PRKN: variants seen among roughly 807,000 people sequenced by gnomAD.
The protein encoded by PRKN is parkin RBR E3 ubiquitin protein ligase.
PRKN carries 56 observed loss-of-function variants against 59.5 expected under a neutral mutation model. The ratio of observed to expected loss-of-function variants is 0.94; its 90% confidence interval spans 0.76 to 1.18. The LOEUF is 1.18. Among genes scored for constraint, PRKN ranks in the 50% most tolerant of loss-of-function variants. The probability of loss-of-function intolerance (pLI) is 0.00; values close to 1 mark genes in which losing one functional copy is unlikely to be tolerated. For missense variants in PRKN, 657 were observed against 596.4 expected, an observed-to-expected ratio of 1.10 and a Z score of -1.06; for synonymous variants, 250 against 222.1, an observed-to-expected ratio of 1.13 and a Z score of -1.12.
At chr6:162,643,291 AG>A (rs1237690363) in intron 1 of PRKN, among the ~76,000 whole-genome samples, 1 of 148,260 alleles carries the variant, frequency 6.7e-6, no homozygotes, top group African/African-American at 2.5e-5. Flanking sequence ...CCAGCTATTC[AG>A]GAGGCTGAGG....
At chr6:162,033,121 G>T (rs145376148) in intron 5 of PRKN, among the ~76,000 whole-genome samples, 1 of 152,050 alleles carries the variant, frequency 6.6e-6, no homozygotes, top group Non-Finnish European at 1.5e-5. Flanking sequence ...GAATGATCTC[G>T]CCTCCATCAC....
intron 4 of PRKN, among the ~76,000 whole-genome samples, chr6:162,169,145 G>A (rs551377051): frequency 1.2e-4 from 19 of 152,290 alleles, no homozygotes; most frequent in Non-Finnish European, 2.5e-4. Context: ...TAACAGGATT[G>A]AGGCAGAAAA....
chr6:161,594,491 T>C (rs563444792), intron 7 of PRKN, among the ~76,000 whole-genome samples: 1 of 152,352 alleles, frequency 6.6e-6, no homozygotes, highest in African/African-American at 2.4e-5. Context: ...TTCATGTCAC[T>C]TCTTTCCAAT....
At chr6:162,269,831 C>T (rs1434512402) in intron 2 of PRKN, among the ~76,000 whole-genome samples, 1 of 152,148 alleles carries the variant, frequency 6.6e-6, no homozygotes, top group Non-Finnish European at 1.5e-5. Flanking sequence ...TACCATCTTA[C>T]TCCTGCAAGA....
chr6:162,582,747 T>G (rs1372471237), intron 1 of PRKN, among the ~76,000 whole-genome samples: 1 of 152,208 alleles, frequency 6.6e-6, no homozygotes, highest in Non-Finnish European at 1.5e-5. Flanking sequence ...AGTGGGTCTC[T>G]AAAAAACTTA....
Position 161,519,370 on chromosome 6 carries a change from C to T in PRKN, c.1083+29484G>A, listed in dbSNP as rs528301385. Among the ~76,000 whole-genome samples, 217 of 152,242 alleles carry T rather than the reference C, an allele frequency of 1.4e-3. 1 individual carries two copies. The highest frequency in any genetic ancestry group is 4.0e-3 in the African/African-American group (165 of 41,540). On this transcript the variant is annotated intron_variant, in intron 9 of 11. Coordinates refer to ENST00000366898, the MANE Select transcript of PRKN (RefSeq NM_004562.3). ...ACAGGAGCCTCCATTAAAATGCAGA[C>T]GCCAATTACTCTGCAGGATGGGCAC...
intron 7 of PRKN, among the ~76,000 whole-genome samples, chr6:161,701,644 TGTATTAACTA>T (rs1313875215): frequency 6.6e-6 from 1 of 152,228 alleles, no homozygotes; most frequent in Non-Finnish European, 1.5e-5. Context: ...TTTAGGCATA[TGTATTAACTA>T]GTATAGATCA....
intron 4 of PRKN, among the ~76,000 whole-genome samples, chr6:162,136,062 T>C (rs1021386530): frequency 6.6e-6 from 1 of 151,098 alleles, no homozygotes; most frequent in Non-Finnish European, 1.5e-5. Flanking sequence ...AAGAAACATG[T>C]TCTACTTTCT....
At chr6:161,887,750 C>T (rs1795206777) in intron 6 of PRKN, among the ~76,000 whole-genome samples, 1 of 151,872 alleles carries the variant, frequency 6.6e-6, no homozygotes, top group Non-Finnish European at 1.5e-5. Flanking sequence ...TATCAAATGA[C>T]TGCCGGTAGA....
intron 1 of PRKN, among the ~76,000 whole-genome samples, chr6:162,467,204 C>T (rs745905541): frequency 2.0e-5 from 3 of 152,150 alleles, no homozygotes; most frequent in African/African-American, 7.2e-5. Flanking sequence ...TTCTCCACAG[C>T]TTTCATCAAT....
At position 162,300,146 on chromosome 6, in the gene PRKN, A is replaced by C. The variant is rs373294223; in HGVS notation, c.172-37381T>G. Among the ~76,000 whole-genome samples the C allele has an allele frequency of 2.0e-5, 3 of 152,324 alleles. No individual in the cohort carries two copies. In the East Asian group the frequency reaches 5.8e-4, roughly 29 times the overall value. On this transcript the variant is annotated intron_variant, in intron 2 of 11. Transcript: ENST00000366898. ...TCTGGATAATACAACAGTGCTATAC[A>C]TACACAATTACTTCATAAAATATGG...
At chr6:161,884,147 G>T (rs894151256) in intron 6 of PRKN, among the ~76,000 whole-genome samples, 3 of 152,076 alleles carry the variant, frequency 2.0e-5, no homozygotes, top group Non-Finnish European at 4.4e-5. Flanking sequence ...TATTTACCAC[G>T]TGGACACAGT....
chr6:162,522,710 GTCTT>G (rs1276167028), intron 1 of PRKN, among the ~76,000 whole-genome samples: 1 of 151,418 alleles, frequency 6.6e-6, no homozygotes, highest in Non-Finnish European at 1.5e-5. Flanking sequence ...ATGCTCTAAA[GTCTT>G]TCTAACACTA....
Position 162,302,510 on chromosome 6 carries a change from C to T in PRKN, c.172-39745G>A, listed in dbSNP as rs549823367. On this transcript the variant is annotated intron_variant, in intron 2 of 11. Coordinates refer to ENST00000366898, the MANE Select transcript of PRKN (RefSeq NM_004562.3). ...AAAATGAAGGGAGCACTCACTGTGG[C>T]ACGGAATGCAGGCAGGTGACAGTCC... 3.9e-5 allele frequency among the ~76,000 whole-genome samples: 6 copies of T among 152,206 alleles called. No homozygotes were observed. In the South Asian group the frequency reaches 8.3e-4, roughly 21 times the overall value.
At chr6:161,486,866 C>T (rs573325862) in intron 9 of PRKN, among the ~76,000 whole-genome samples, 59 of 152,312 alleles carry the variant, frequency 3.9e-4, no homozygotes, top group African/African-American at 1.3e-3. Context: ...ATCATACACT[C>T]TTTAATCAAG....
intron 7 of PRKN, among the ~76,000 whole-genome samples, chr6:161,742,133 C>G (rs920113293): frequency 6.6e-6 from 1 of 152,020 alleles, no homozygotes; most frequent in East Asian, 1.9e-4. Flanking sequence ...CCATTCCCAG[C>G]TAATTTTTGT....
intron 4 of PRKN, among the ~76,000 whole-genome samples, chr6:162,105,552 C>T (rs1436215013): frequency 6.6e-6 from 1 of 152,088 alleles, no homozygotes; most frequent in Non-Finnish European, 1.5e-5. Flanking sequence ...CAGGCGTGTG[C>T]CACCACCTGG....
intron 2 of PRKN, among the ~76,000 whole-genome samples, chr6:162,373,245 G>A (rs190829748): frequency 4.2e-4 from 64 of 152,246 alleles, no homozygotes; most frequent in African/African-American, 1.5e-3. Context: ...GCAAGTTTAA[G>A]TTTTCTTTTG....
intron 1 of PRKN, among the ~76,000 whole-genome samples, chr6:162,456,038 T>G: frequency 6.6e-6 from 1 of 152,156 alleles, no homozygotes; most frequent in East Asian, 1.9e-4. Flanking sequence ...TAAAGATGGA[T>G]TCAATTGGGT....
Sources: allele counts gnomAD v4.1 joint callset (sites outside exome capture counted in the v4.1 genomes callset), GRCh38; gene constraint gnomAD v4.1.1; transcripts MANE v1.5; gene names NCBI Gene and HGNC (gene_info 2026-07-23, HGNC 2026-07-21).